Variants in ENTREP2 observed in about 807,000 individuals in gnomAD.
ENTREP2 encodes the protein protein ENTREP2.
the ENTREP2 span, among the ~76,000 whole-genome samples, chr15:29,452,231 A>G: frequency 1.3e-5 from 2 of 152,080 alleles, no homozygotes; most frequent in African/African-American, 4.8e-5. Flanking sequence ...CAGCACTGGC[A>G]CCTGGTGCTG....
chr15:29,463,640 G>C, the ENTREP2 span, among the ~76,000 whole-genome samples: 1 of 152,130 alleles, frequency 6.6e-6, no homozygotes, highest in Non-Finnish European at 1.5e-5. Flanking sequence ...CTGAGAACAA[G>C]ATAAGGTGAA....
chr15:29,133,933 T>C, the ENTREP2 span, among the ~76,000 whole-genome samples: 1 of 151,810 alleles, frequency 6.6e-6, no homozygotes, highest in Non-Finnish European at 1.5e-5. Flanking sequence ...TGCCTGTCCT[T>C]CTTCCCTCTG....
At chr15:29,558,602 G>T in the ENTREP2 span, among the ~76,000 whole-genome samples, 1 of 37,032 alleles carries the variant, frequency 2.7e-5, no homozygotes, top group African/African-American at 1.0e-4. Context: ...ACCCAGGTTT[G>T]AATTGTATAG....
At chr15:29,532,534 A>G in the ENTREP2 span, among the ~76,000 whole-genome samples, 68,124 of 151,982 alleles carry the variant, frequency 0.45, 16,382 homozygotes, top group African/African-American at 0.64. Context: ...AGCACCTACC[A>G]AGAGAAGCTG....
chr15:29,341,660 A>G, the ENTREP2 span, among the ~76,000 whole-genome samples: 1 of 152,302 alleles, frequency 6.6e-6, no homozygotes. Context: ...CAAAGGCTGC[A>G]TCTTGTGTCA....
At chr15:29,372,743 G>A in the ENTREP2 span, among the ~76,000 whole-genome samples, 1 of 152,148 alleles carries the variant, frequency 6.6e-6, no homozygotes, top group Non-Finnish European at 1.5e-5. Flanking sequence ...AGCTGGACTA[G>A]TTAAAACAAT....
At chr15:29,157,806 T>C in the ENTREP2 span, among the ~76,000 whole-genome samples, 1 of 151,514 alleles carries the variant, frequency 6.6e-6, no homozygotes, top group African/African-American at 2.4e-5. Context: ...ATCGGCTCAC[T>C]GCAACTTCCA....
chr15:29,393,239 T>A, the ENTREP2 span, among the ~76,000 whole-genome samples: 1 of 152,232 alleles, frequency 6.6e-6, no homozygotes, highest in Non-Finnish European at 1.5e-5. Context: ...TGTTCATCAG[T>A]GAACTTCTGT....
the ENTREP2 span, among the ~76,000 whole-genome samples, chr15:29,245,362 A>C: frequency 0.056 from 8,496 of 152,180 alleles, 822 homozygotes; most frequent in African/African-American, 0.19. Flanking sequence ...ATAAAACCCG[A>C]AAATACTGAG....
the ENTREP2 span, among the ~76,000 whole-genome samples, chr15:29,414,934 C>A: frequency 6.6e-6 from 1 of 152,140 alleles, no homozygotes; most frequent in South Asian, 2.1e-4. Flanking sequence ...ATACACCCTC[C>A]CAAGACTAAA....
chr15:29,644,449 G>T, the ENTREP2 span, among the ~76,000 whole-genome samples: 2 of 152,210 alleles, frequency 1.3e-5, no homozygotes, highest in Non-Finnish European at 2.9e-5. Context: ...TTATCGAAAG[G>T]AGTCATATAG....
chr15:29,208,052 C>A, the ENTREP2 span, among the ~76,000 whole-genome samples: 1 of 152,106 alleles, frequency 6.6e-6, no homozygotes, highest in African/African-American at 2.4e-5. Flanking sequence ...TTACAAATGC[C>A]GGGACTTCTG....
chr15:29,223,610 G>A, the ENTREP2 span, among the ~76,000 whole-genome samples: 1 of 152,278 alleles, frequency 6.6e-6, no homozygotes, highest in Non-Finnish European at 1.5e-5. Flanking sequence ...AGTTCGGATG[G>A]TCTTTTTTCC....
the ENTREP2 span, among the ~76,000 whole-genome samples, chr15:29,388,649 A>G: frequency 6.6e-6 from 1 of 152,318 alleles, no homozygotes; most frequent in South Asian, 2.1e-4. Flanking sequence ...TCATGCTGCT[A>G]TAAAGACACA....
the ENTREP2 span, among the ~76,000 whole-genome samples, chr15:29,627,538 T>C: frequency 8.4e-6 from 1 of 118,844 alleles, no homozygotes; most frequent in Non-Finnish European, 1.6e-5. Context: ...CAAGACTCCA[T>C]CTAAAAAAAA....
At chr15:29,349,908 T>G in the ENTREP2 span, among the ~76,000 whole-genome samples, 1 of 151,988 alleles carries the variant, frequency 6.6e-6, no homozygotes, top group African/African-American at 2.4e-5. Flanking sequence ...TCAAAATAAA[T>G]TAAATAAATA....
chr15:29,472,487 C>T, the ENTREP2 span, among the ~76,000 whole-genome samples: 1 of 142,930 alleles, frequency 7.0e-6, no homozygotes, highest in East Asian at 2.1e-4. Flanking sequence ...AAATTTGAGA[C>T]GGAGTCTCGC....
chr15:29,204,503 G>A, the ENTREP2 span, among the ~76,000 whole-genome samples: 1 of 152,128 alleles, frequency 6.6e-6, no homozygotes, highest in Non-Finnish European at 1.5e-5. Flanking sequence ...AGTATCCTTG[G>A]ATGTGAGGAG....
chr15:29,311,693 C>G, the ENTREP2 span, among the ~76,000 whole-genome samples: 8 of 151,152 alleles, frequency 5.3e-5, no homozygotes, highest in African/African-American at 1.2e-4. Flanking sequence ...CCATCCCCCC[C>G]CCAAAAAAAA....
Sources: allele counts gnomAD v4.1 joint callset (sites outside exome capture counted in the v4.1 genomes callset), GRCh38; gene constraint gnomAD v4.1.1; transcripts MANE v1.5; gene names NCBI Gene and HGNC (gene_info 2026-07-23, HGNC 2026-07-21).